CCDC178: variants seen among roughly 807,000 people sequenced by gnomAD.
CCDC178 encodes the protein coiled-coil domain containing 178.
Under a neutral mutation model 117.4 loss-of-function variants are expected in CCDC178, and 126 were observed. The observed-to-expected ratio is 1.07, with a 90% confidence interval of 0.93 to 1.24. The LOEUF (loss-of-function observed/expected upper bound fraction) is 1.24, where lower values mean the gene tolerates loss of function less well. CCDC178 is among the 50% of genes most tolerant of loss of function. The pLI is 0.00. For missense variants in CCDC178, 1,030 were observed against 986.9 expected (o/e 1.04, Z -0.59); for synonymous variants, 283 against 313.4 (o/e 0.90, Z 1.02).
At chr18:33,356,293 AAT>A (rs772771701) in intron 7 of CCDC178, 29 bp downstream of exon 7, 7 of 1,459,848 alleles carry the variant, frequency 4.8e-6, no homozygotes, top group African/African-American at 2.9e-5. Context: ...TTAAAAATAA[AAT>A]AGTTTTAAAA....
chr18:33,237,018 A>C (rs2059433047), intron 15 of CCDC178, among the ~76,000 whole-genome samples: 1 of 152,168 alleles, frequency 6.6e-6, no homozygotes, highest in Non-Finnish European at 1.5e-5. Context: ...ATTGCTTCAA[A>C]TTAGAGGAAC....
At chr18:33,255,978 G>GA (rs11287799) in intron 14 of CCDC178, among the ~76,000 whole-genome samples, 112 of 139,004 alleles carry the variant, frequency 8.1e-4, no homozygotes, top group African/African-American at 2.2e-3. Flanking sequence ...AAGAAAGAGA[G>GA]AAAAAAAAAA....
Position 32,941,513 on chromosome 18 carries a change from T to A in CCDC178, c.2524-3422A>T, listed in dbSNP as rs961692819. Among the ~76,000 whole-genome samples the A allele has an allele frequency of 3.3e-5, 5 of 152,174 alleles. No homozygotes were observed. The East Asian group carries it at 9.6e-4, about 29-fold the overall frequency. ...GCAAGTTAGCAAACAGCTGTCCTAATAATTTATTAGAGATTTTATTACTTT... is the reference window on the plus strand; with the variant it reads ...GCAAGTTAGCAAACAGCTGTCCTAAAAATTTATTAGAGATTTTATTACTTT... On this transcript the variant is annotated intron_variant, in intron 22 of 22. Coordinates refer to ENST00000383096, the MANE Select transcript of CCDC178 (RefSeq NM_001105528.4).
At chr18:33,304,895 C>G (rs1049297734) in intron 11 of CCDC178, among the ~76,000 whole-genome samples, 3 of 152,130 alleles carry the variant, frequency 2.0e-5, no homozygotes, top group Admixed American at 6.5e-5. Flanking sequence ...TTTCCCATTT[C>G]CAGAAAAGAC....
chr18:33,034,135 C>T (rs765328503), intron 21 of CCDC178, among the ~76,000 whole-genome samples: 1 of 151,976 alleles, frequency 6.6e-6, no homozygotes, highest in Admixed American at 6.6e-5. Context: ...CCTTTTCCCA[C>T]ACTTTGCATT....
At chr18:33,089,551 C>A (rs754773656) in intron 21 of CCDC178, among the ~76,000 whole-genome samples, 4 of 152,126 alleles carry the variant, frequency 2.6e-5, no homozygotes, top group Non-Finnish European at 5.9e-5. Context: ...AGTTTGAAAG[C>A]ACTGAGATTT....
At chr18:33,110,324 T>C (rs1038783151) in intron 20 of CCDC178, among the ~76,000 whole-genome samples, 3 of 151,640 alleles carry the variant, frequency 2.0e-5, no homozygotes, top group African/African-American at 7.2e-5. Context: ...TCTAAAGTAT[T>C]TTCTCCTAAG....
chr18:32,979,452 C>T (rs147713504), intron 21 of CCDC178, among the ~76,000 whole-genome samples: 9 of 152,108 alleles, frequency 5.9e-5, no homozygotes, highest in African/African-American at 1.7e-4. Context: ...AGCCGCTGCG[C>T]CCGGTCCATT....
intron 21 of CCDC178, among the ~76,000 whole-genome samples, chr18:33,068,621 G>A (rs1009066743): frequency 6.6e-6 from 1 of 151,974 alleles, no homozygotes; most frequent in Non-Finnish European, 1.5e-5. Context: ...ATTCAACATT[G>A]CTTTATGATA....
chr18:33,316,883 C>T (rs184780653), intron 11 of CCDC178, among the ~76,000 whole-genome samples: 3 of 152,046 alleles, frequency 2.0e-5, no homozygotes, highest in South Asian at 2.1e-4. Context: ...ATATACCAAT[C>T]GACACTCTGT....
At chr18:33,149,556 C>T (rs2058316121) in intron 20 of CCDC178, among the ~76,000 whole-genome samples, 1 of 152,144 alleles carries the variant, frequency 6.6e-6, no homozygotes, top group Admixed American at 6.5e-5. Context: ...CTGACCTTTG[C>T]CTCAGACACC....
At chr18:33,326,746 G>C (rs960362592) in intron 10 of CCDC178, among the ~76,000 whole-genome samples, 4 of 151,466 alleles carry the variant, frequency 2.6e-5, no homozygotes, top group Admixed American at 2.6e-4. Flanking sequence ...ATACCTTCTC[G>C]GTGGTTACAG....
At chr18:33,307,450 T>C (rs1400579122) in intron 11 of CCDC178, among the ~76,000 whole-genome samples, 3 of 152,216 alleles carry the variant, frequency 2.0e-5, no homozygotes, top group Non-Finnish European at 2.9e-5. Flanking sequence ...TTAAGGTATC[T>C]GGCAGAAGAA....
chr18:33,017,707 A>T (rs2056021598), intron 21 of CCDC178, among the ~76,000 whole-genome samples: 1 of 152,040 alleles, frequency 6.6e-6, no homozygotes, highest in Admixed American at 6.5e-5. Flanking sequence ...AGTTACAAAT[A>T]ATCAAGACAG....
intron 21 of CCDC178, among the ~76,000 whole-genome samples, chr18:33,070,822 T>C (rs1252799884): frequency 6.6e-6 from 1 of 152,010 alleles, no homozygotes; most frequent in Non-Finnish European, 1.5e-5. Context: ...TTGGTTAAAA[T>C]CAGGAATCTA....
chr18:33,061,882 A>T (rs1462411263), intron 21 of CCDC178, among the ~76,000 whole-genome samples: 1 of 152,186 alleles, frequency 6.6e-6, no homozygotes, highest in Non-Finnish European at 1.5e-5. Flanking sequence ...CTCTGATTCA[A>T]ATCAGATATC....
intron 20 of CCDC178, among the ~76,000 whole-genome samples, chr18:33,211,472 A>G (rs1257698027): frequency 6.6e-6 from 1 of 151,776 alleles, no homozygotes; most frequent in East Asian, 1.9e-4. Context: ...ATATTATGCA[A>G]AATTTTTCTA....
intron 4 of CCDC178, among the ~76,000 whole-genome samples, chr18:33,391,938 A>T (rs1377866023): frequency 1.3e-5 from 2 of 151,424 alleles, no homozygotes; most frequent in Non-Finnish European, 2.9e-5. Flanking sequence ...ATCTCGGTTC[A>T]CTGCAACCTC....
chr18:33,382,693 TC>T (rs1313756991), intron 5 of CCDC178, among the ~76,000 whole-genome samples: 1 of 151,660 alleles, frequency 6.6e-6, no homozygotes, highest in Non-Finnish European at 1.5e-5. Flanking sequence ...ATGAGGAGAT[TC>T]CCCCGTGAGC....
Sources: allele counts gnomAD v4.1 joint callset (sites outside exome capture counted in the v4.1 genomes callset), GRCh38; gene constraint gnomAD v4.1.1; transcripts MANE v1.5; gene names NCBI Gene and HGNC (gene_info 2026-07-23, HGNC 2026-07-21).